The following PIKFYVE variants were observed in gnomAD, a reference collection of about 807,000 sequenced individuals.
The protein encoded by PIKFYVE is phosphoinositide kinase, FYVE-type zinc finger containing, also known as 1-phosphatidylinositol 3-phosphate 5-kinase.
Under a neutral mutation model 257.9 loss-of-function variants are expected in PIKFYVE, and 122 were observed. The ratio of observed to expected loss-of-function variants is 0.47; its 90% CI spans 0.41 to 0.55. PIKFYVE has a LOEUF of 0.55. Among genes scored for constraint, PIKFYVE ranks in the 20% least tolerant of loss-of-function variants. The pLI is 0.00. For synonymous variants in PIKFYVE, 892 were observed against 868.9 expected (o/e 1.03, Z -0.47); for missense variants, 2,160 against 2,536.6 (o/e 0.85, Z 3.19).
In PIKFYVE at chr2:208,345,331, A is replaced by G. The variant is rs559541765; in HGVS notation, c.5111+137A>G. 42 of 749,648 alleles carry G rather than the reference A, an allele frequency of 5.6e-5. No homozygotes were observed. The African/African-American group carries it at 6.5e-4, about 12-fold the overall frequency. 46.4% of individuals were successfully genotyped at this position (749,648 alleles called of 1,614,324 possible). ...AGATAGTGGCACTCATATTTCAGCC[A>G]ATAATTGAGACAACAAAGCTCAAAT... On this transcript the variant is annotated intron_variant, in intron 33 of 41. Transcript: ENST00000264380.
chr2:208,276,616 C>T, intron 3 of PIKFYVE, 96 bp from the exon 4 acceptor site: 3 of 882,472 alleles, frequency 3.4e-6, no homozygotes, highest in Non-Finnish European at 5.8e-6. Context: ...TAATTATATG[C>T]CAACAATAAG....
intron 36 of PIKFYVE, among the ~76,000 whole-genome samples, 172 bp downstream of exon 36, chr2:208,350,255 T>A (rs1699653752): frequency 6.6e-6 from 1 of 152,232 alleles, no homozygotes; most frequent in South Asian, 2.1e-4. Flanking sequence ...AAAATATAAA[T>A]TTAATTTATA....
rs1278556502 is a variant in PIKFYVE at position 208,266,566 on chromosome 2, G to GTA, written c.-10+151_-10+152insTA. On this transcript the variant is annotated intron_variant, in intron 1 of 41. Coordinates refer to ENST00000264380, the MANE Select transcript of PIKFYVE (RefSeq NM_015040.4). Reference sequence around the variant, plus strand: ...CCTGGCTGCCGGCTGAGCAAGGAAGGGCAGAGAATCTGGCTTTAGAATTAG... The same window carrying GTA: ...CCTGGCTGCCGGCTGAGCAAGGAAGGTAGCAGAGAATCTGGCTTTAGAATTAG... Among the ~76,000 whole-genome samples, 1,243 of 152,342 alleles carry GTA rather than the reference G, an allele frequency of 8.2e-3. 15 individuals carry two copies. Among genetic ancestry groups the GTA allele is most frequent in the African/African-American group, 0.028 (1,178 of 41,578 alleles).
intron 12 of PIKFYVE, among the ~76,000 whole-genome samples, chr2:208,310,273 T>C (rs1379213913): frequency 6.6e-6 from 1 of 152,204 alleles, no homozygotes; most frequent in Non-Finnish European, 1.5e-5. Context: ...TATCTTTACA[T>C]TGAAATTAAA....
rs752736557 is a variant in PIKFYVE at position 208,277,512 on chromosome 2, C to T, written c.442-25C>T. 3.7e-6 allele frequency: 6 copies of T among 1,611,218 alleles called. No individual in the cohort carries two copies. In the Admixed American group the frequency reaches 8.3e-5, roughly 22 times the overall value. On this transcript the variant is annotated intron_variant, in intron 4 of 41. Coordinates refer to ENST00000264380, the MANE Select transcript of PIKFYVE (RefSeq NM_015040.4). ...ATTAATAATCAGTATTTTCAAGAAG[C>T]CTTCACACATTTTTATTGTTATAGG...
intron 8 of PIKFYVE, 117 bp from the exon 9 acceptor site, chr2:208,300,820 C>A: frequency 4.0e-6 from 5 of 1,250,078 alleles, no homozygotes; most frequent in Non-Finnish European, 5.8e-6. Context: ...GAGTTAGCTA[C>A]CATAAAGAAA....
intron 28 of PIKFYVE, among the ~76,000 whole-genome samples, chr2:208,338,235 T>C (rs1199640123): frequency 6.6e-6 from 1 of 152,158 alleles, no homozygotes; most frequent in African/African-American, 2.4e-5. Flanking sequence ...AAAATCGGTA[T>C]GTTACGTGTT....
At chr2:208,291,243 A>C (rs762453824) in intron 7 of PIKFYVE, among the ~76,000 whole-genome samples, 3 of 152,116 alleles carry the variant, frequency 2.0e-5, no homozygotes, top group African/African-American at 7.2e-5. Context: ...CTTTTTCTGT[A>C]TCAATGACAT....
chr2:208,284,583 C>G (rs1021857919), intron 5 of PIKFYVE, among the ~76,000 whole-genome samples: 1 of 150,842 alleles, frequency 6.6e-6, no homozygotes, highest in Non-Finnish European at 1.5e-5. Flanking sequence ...TATAATAATT[C>G]TTTTATAGTT....
At chr2:208,343,879 T>G (rs897877957) in intron 32 of PIKFYVE, among the ~76,000 whole-genome samples, 12 of 151,590 alleles carry the variant, frequency 7.9e-5, no homozygotes, top group Non-Finnish European at 1.5e-4. Context: ...TTGCCCAGGC[T>G]GGAGTGCAGT....
Position 208,326,393 on chromosome 2 carries a change from A to G in PIKFYVE, c.3582A>G (p.Arg1194=). The change falls in exon 20 of 42, where the codon AGA becomes AGG. Residue 1194 remains arginine (R), a synonymous_variant. Coordinates refer to ENST00000264380, the MANE Select transcript of PIKFYVE (RefSeq NM_015040.4). ...SGSKNEGDEE[R]GLILSDAVWS... Reference sequence around the variant, plus strand: ...GCAAAAATGAGGGTGATGAAGAGAGAGGGCTTATTCTGAGTGATGCTGTGT... The same window carrying G: ...GCAAAAATGAGGGTGATGAAGAGAGGGGGCTTATTCTGAGTGATGCTGTGT... 1 of 1,614,076 alleles carries G rather than the reference A, an allele frequency of 6.2e-7. No homozygotes were observed. Among genetic ancestry groups the G allele is most frequent in the Non-Finnish European group, 8.5e-7 (1 of 1,179,968 alleles).
chr2:208,339,535 A>G lies in PIKFYVE; in HGVS notation c.4790A>G (p.Asp1597Gly). 1 of 1,614,138 alleles carries G rather than the reference A, an allele frequency of 6.2e-7. No individual in the cohort carries two copies. Among genetic ancestry groups the G allele is most frequent in the Non-Finnish European group, 8.5e-7 (1 of 1,180,014 alleles). The change falls in exon 30 of 42, where the codon GAT becomes GGT. Residue 1597 changes from aspartate to glycine, a missense_variant. Physicochemically the swap from Asp to Gly is moderately conservative, Grantham distance 94. Coordinates refer to ENST00000264380, the MANE Select transcript of PIKFYVE (RefSeq NM_015040.4). ...TCAGTGGGAGGGCCCCCTGAGCTAGATACAGCCAGCAGTTCCGAAGGTAGA... is the reference window on the plus strand; with the variant it reads ...TCAGTGGGAGGGCCCCCTGAGCTAGGTACAGCCAGCAGTTCCGAAGGTAGA... ...EQSVGGPPEL[D>G]TASSSEDVFD...
intron 32 of PIKFYVE, 152 bp downstream of exon 32, chr2:208,342,801 T>TC: frequency 1.5e-6 from 1 of 656,472 alleles, no homozygotes. Context: ...GTTCTTTTTT[T>TC]TTTTTTTTTT....
chr2:208,339,383 G>A lies in PIKFYVE; in HGVS notation c.4673-35G>A, dbSNP rs778475387. 7 of 1,609,488 alleles carry A rather than the reference G, an allele frequency of 4.3e-6. No individual in the cohort carries two copies. The South Asian group carries it at 6.6e-5, about 15-fold the overall frequency. On this transcript the variant is annotated intron_variant, in intron 29 of 41. Coordinates refer to ENST00000264380, the MANE Select transcript of PIKFYVE (RefSeq NM_015040.4). ...TTAGGTAGACATGGACTTAATGTAT[G>A]TAAATGACTCATTTAAGATTGTGTT...
intron 38 of PIKFYVE, 59 bp from the exon 39 acceptor site, chr2:208,352,595 G>A: frequency 6.4e-7 from 1 of 1,567,682 alleles, no homozygotes; most frequent in Non-Finnish European, 8.7e-7. Context: ...CCTTATATTG[G>A]TATTAAATTA....
intron 35 of PIKFYVE, among the ~76,000 whole-genome samples, chr2:208,348,434 C>G (rs771640718): frequency 1.3e-5 from 2 of 151,998 alleles, no homozygotes; most frequent in Non-Finnish European, 2.9e-5. Context: ...ATTTATGTCC[C>G]CTTTCATTTT....
rs574746122 is a variant in PIKFYVE at position 208,301,053 on chromosome 2, A to G, written c.1167A>G (p.Glu389=). 10 of 1,614,176 alleles carry G rather than the reference A, an allele frequency of 6.2e-6. No homozygotes were observed. The South Asian group carries it at 8.8e-5, about 14-fold the overall frequency. Residue 389 remains glutamate (E), a synonymous_variant, in exon 9 of 42, where the codon GAA becomes GAG. Transcript: ENST00000264380. ...ATCCCAACTGCATTGTAGGAAAGGA[A>G]TTAGTCAACTGGCTAATCCGAAATG... ...RTHPNCIVGK[E]LVNWLIRNGH...
rs1012216800 is a variant in PIKFYVE at position 208,283,827 on chromosome 2, G to C, written c.614-1899G>C. Among the ~76,000 whole-genome samples the C allele has an allele frequency of 4.6e-5, 7 of 152,246 alleles. No homozygotes were observed. In the East Asian group the frequency reaches 9.7e-4, roughly 21 times the overall value. ...TCAAACTCCTGTGCTCAAGCAGTCC[G>C]CCTGCCTTGGCCTCCCAAAGTGTTG... is the stretch of plus-strand genomic sequence containing the variant. On this transcript the variant is annotated intron_variant, in intron 5 of 41. Coordinates refer to ENST00000264380, the MANE Select transcript of PIKFYVE (RefSeq NM_015040.4).
rs149763308 is a variant in PIKFYVE, at chr2:208,325,706, G to A, written c.2895G>A (p.Ala965=). The A allele has an allele frequency of 5.8e-4, 936 of 1,613,620 alleles. 7 individuals carry two copies. The highest frequency in any genetic ancestry group is 1.8e-3 in the Middle Eastern group (11 of 6,054). Residue 965 remains alanine (A), a synonymous_variant, in exon 20 of 42, where the codon GCG becomes GCA. Coordinates refer to ENST00000264380, the MANE Select transcript of PIKFYVE (RefSeq NM_015040.4). Reference sequence around the variant, plus strand: ...AACATAGCACAACAGCTTGCCCGGCGGGTCTCCCTTGTGCTTTCTTTGCAC... The same window carrying A: ...AACATAGCACAACAGCTTGCCCGGCAGGTCTCCCTTGTGCTTTCTTTGCAC... ...HQEHSTTACP[A]GLPCAFFAPV...
Sources: gnomAD v4.1 joint callset for allele counts (sites outside exome capture counted in the v4.1 genomes callset) on GRCh38, gnomAD v4.1.1 for gene constraint, MANE v1.5 for transcripts, NCBI Gene and HGNC (gene_info 2026-07-23, HGNC 2026-07-21) for gene names.